STK31: variants seen among roughly 807,000 people sequenced by gnomAD.
STK31 encodes the protein serine/threonine-protein kinase 31.
Under a neutral mutation model 129.7 loss-of-function variants are expected in STK31, and 89 were observed. The observed-to-expected ratio is 0.69, with a 90% CI of 0.58 to 0.82. The LOEUF (loss-of-function observed/expected upper bound fraction) is 0.82. Ranked by LOEUF, STK31 falls within the 40% of genes least tolerant of loss-of-function variation. The pLI is 0.00. For missense variants in STK31, 1,187 were observed against 1,176.4 expected (o/e 1.01, Z -0.13); for synonymous variants, 448 against 395.3 (o/e 1.13, Z -1.58).
chr7:23,728,072 C>CTTTTTTTTTTTTTTTTTTTAT (rs1787196362), intron 5 of STK31, among the ~76,000 whole-genome samples: 1 of 68,290 alleles, frequency 1.5e-5, no homozygotes, highest in Non-Finnish European at 2.7e-5. Context: ...TTGTGTTAAG[C>CTTTTTTTTTTTTTTTTTTTAT]TTTTTTTTTT....
At chr7:23,824,025 G>C (rs1020563907) in intron 23 of STK31, among the ~76,000 whole-genome samples, 1 of 152,298 alleles carries the variant, frequency 6.6e-6, no homozygotes, top group African/African-American at 2.4e-5. Context: ...TTGAAGTCAG[G>C]TAGCGTGATG....
chr7:23,733,832 AT>A (rs1787569945), intron 6 of STK31, among the ~76,000 whole-genome samples: 1 of 152,196 alleles, frequency 6.6e-6, no homozygotes, highest in South Asian at 2.1e-4. Flanking sequence ...TAAAAAAAAA[AT>A]GTGTCCCAAT....
At chr7:23,760,378 C>T (rs539183412) in intron 10 of STK31, among the ~76,000 whole-genome samples, 1 of 152,120 alleles carries the variant, frequency 6.6e-6, no homozygotes, top group Non-Finnish European at 1.5e-5. Flanking sequence ...GATAACTAGG[C>T]TTTTGAAAAT....
rs548150505 is a variant in STK31, at chr7:23,732,807, A to G, written c.484-2731A>G. Among the ~76,000 whole-genome samples, 8 of 152,294 alleles carry G rather than the reference A, an allele frequency of 5.3e-5. 1 individual carries two copies. The South Asian group carries it at 1.4e-3, about 28-fold the overall frequency. Reference sequence around the variant, plus strand: ...AATAATTCCACATATACCAGCAATAATTTTCAAAGACTTCCTAGGGGCAGA... The same window carrying G: ...AATAATTCCACATATACCAGCAATAGTTTTCAAAGACTTCCTAGGGGCAGA... On this transcript the variant is annotated intron_variant, in intron 6 of 23. Coordinates refer to ENST00000355870, the MANE Select transcript of STK31 (RefSeq NM_031414.5).
At chr7:23,739,761 T>C (rs1787944821) in intron 8 of STK31, among the ~76,000 whole-genome samples, 1 of 152,182 alleles carries the variant, frequency 6.6e-6, no homozygotes, top group African/African-American at 2.4e-5. Flanking sequence ...TTTTGTCAGG[T>C]TTGTCGAAGA....
chr7:23,813,078 C>CTTTTTTTTTTTTTTTT (rs70956924), intron 22 of STK31, among the ~76,000 whole-genome samples: 167 of 94,064 alleles, frequency 1.8e-3, no homozygotes, highest in Middle Eastern at 8.2e-3. Context: ...GCTCTCTGTT[C>CTTTTTTTTTTTTTTTT]TTTTTTTTTT....
intron 23 of STK31, among the ~76,000 whole-genome samples, chr7:23,826,965 T>C (rs531149284): frequency 6.6e-6 from 1 of 152,304 alleles, no homozygotes; most frequent in South Asian, 2.1e-4. Context: ...AGAGATTCAC[T>C]GTTAGTCTGA....
intron 23 of STK31, among the ~76,000 whole-genome samples, chr7:23,825,081 C>T (rs369211076): frequency 0.13 from 20,238 of 151,690 alleles, 2,163 homozygotes; most frequent in African/African-American, 0.3. Context: ...TGTCTCTGCC[C>T]GGCTTTGGTA....
At chr7:23,741,322 A>G (rs1377453809) in intron 8 of STK31, among the ~76,000 whole-genome samples, 2 of 152,172 alleles carry the variant, frequency 1.3e-5, no homozygotes, top group African/African-American at 4.8e-5. Context: ...ATATATAGCT[A>G]TTGCTTTAGT....
At chr7:23,738,635 C>T (rs542408311) in intron 8 of STK31, among the ~76,000 whole-genome samples, 29 of 152,092 alleles carry the variant, frequency 1.9e-4, no homozygotes, top group Non-Finnish European at 1.2e-4. Context: ...CGGCTCACTG[C>T]AACCTCTGCT....
chr7:23,766,486 T>C (rs1305551765), intron 11 of STK31, among the ~76,000 whole-genome samples: 14 of 152,164 alleles, frequency 9.2e-5, no homozygotes, highest in Admixed American at 9.2e-4. Context: ...ACTTCTGACC[T>C]CGAGTGATCC....
At chr7:23,715,164 G>A (rs1458712087) in intron 3 of STK31, among the ~76,000 whole-genome samples, 1 of 152,096 alleles carries the variant, frequency 6.6e-6, no homozygotes, top group Non-Finnish European at 1.5e-5. Context: ...TTGGAAATAC[G>A]CGTAGGCAGA....
At chr7:23,802,321 T>C (rs1273454436) in intron 22 of STK31, among the ~76,000 whole-genome samples, 1 of 152,166 alleles carries the variant, frequency 6.6e-6, no homozygotes, top group Non-Finnish European at 1.5e-5. Flanking sequence ...AGGTAAAGTT[T>C]GTTTATTCTT....
intron 4 of STK31, chr7:23,721,368 AT>A: frequency 1.1e-6 from 1 of 911,570 alleles, no homozygotes. Context: ...CAGCGTTGTG[AT>A]TTTTTTCTCA....
chr7:23,742,705 A>T (rs1219537429), intron 8 of STK31, among the ~76,000 whole-genome samples: 1 of 151,824 alleles, frequency 6.6e-6, no homozygotes, highest in Non-Finnish European at 1.5e-5. Flanking sequence ...CTCCTTTCTT[A>T]CTTCTGGGGC....
intron 14 of STK31, chr7:23,771,705 A>G (rs11982297): frequency 0.23 from 35,169 of 154,302 alleles, 4,262 homozygotes; most frequent in South Asian, 0.34. Context: ...AACACTGTAC[A>G]TATGTTTGTG....
rs1463013875 is a variant in STK31 at position 23,781,449 on chromosome 7, A to G, written c.1996A>G (p.Lys666Glu). ...SDDPDGSQIE[K>E]IKEEITQLRN... ...TGATCCTGATGGCTCTCAAATTGAG[A>G]AAATAAAAGAAGAAATAACTCAGCT... Residue 666 changes from lysine to glutamate, a missense_variant, in exon 16 of 24, where the codon AAA becomes GAA. Lys to Glu is a moderately conservative substitution (Grantham distance 56). Transcript: ENST00000355870. 1.2e-6 allele frequency: 2 copies of G among 1,611,288 alleles called. No homozygotes were observed. The highest frequency in any genetic ancestry group is 1.3e-5 in the African/African-American group (1 of 74,786).
intron 4 of STK31, among the ~76,000 whole-genome samples, chr7:23,724,366 T>TGG (rs1252516688): frequency 6.6e-6 from 1 of 152,150 alleles, no homozygotes; most frequent in Non-Finnish European, 1.5e-5. Context: ...AGGGGTCAAT[T>TGG]GGAGTTTGTC....
chr7:23,793,855 A>G (rs1030699881), intron 22 of STK31, among the ~76,000 whole-genome samples: 3 of 152,226 alleles, frequency 2.0e-5, no homozygotes, highest in African/African-American at 7.2e-5. Context: ...TTCCTACCCT[A>G]TGACCCAGCA....
Sources: allele counts gnomAD v4.1 joint callset (sites outside exome capture counted in the v4.1 genomes callset), GRCh38; gene constraint gnomAD v4.1.1; transcripts MANE v1.5; gene names NCBI Gene and HGNC (gene_info 2026-07-23, HGNC 2026-07-21).